Variants in RNF150 observed in about 807,000 individuals in gnomAD.
RNF150 encodes the protein ring finger protein 150.
In RNF150, 24 loss-of-function variants were observed where a neutral mutation model predicts 39.3. That is an observed-to-expected ratio of 0.61 (90% CI 0.44 to 0.86). The LOEUF (loss-of-function observed/expected upper bound fraction) is 0.86. Among genes scored for constraint, RNF150 ranks in the 40% least tolerant of loss-of-function variants. The probability of loss-of-function intolerance (pLI) is 0.00; values close to 1 mark genes in which losing one functional copy is unlikely to be tolerated. For synonymous variants in RNF150, 255 were observed against 227.3 expected (o/e 1.12, Z -1.10); for missense variants, 502 against 587.8 (o/e 0.85, Z 1.51).
intron 1 of RNF150, among the ~76,000 whole-genome samples, chr4:141,148,235 T>C (rs1218779394): frequency 1.3e-5 from 2 of 152,168 alleles, no homozygotes; most frequent in Non-Finnish European, 2.9e-5. Context: ...GATGGCTTCC[T>C]CTTATAGATT....
At chr4:141,006,264 A>G (rs1011241461) in intron 1 of RNF150, among the ~76,000 whole-genome samples, 8 of 149,524 alleles carry the variant, frequency 5.4e-5, no homozygotes, top group African/African-American at 1.7e-4. Flanking sequence ...ATATATACGT[A>G]TATATATACA....
At chr4:141,166,515 C>T (rs143526474) in intron 1 of RNF150, among the ~76,000 whole-genome samples, 139 of 152,290 alleles carry the variant, frequency 9.1e-4, no homozygotes, top group African/African-American at 3.2e-3. Flanking sequence ...GCTAATATCC[C>T]TGATGAACAT....
At chr4:141,089,363 T>G (rs938471156) in intron 1 of RNF150, among the ~76,000 whole-genome samples, 3 of 152,078 alleles carry the variant, frequency 2.0e-5, no homozygotes, top group African/African-American at 7.2e-5. Context: ...CATGGGTACT[T>G]GTTGTTTAGA....
At chr4:140,920,984 C>T (rs1731100755) in intron 5 of RNF150, among the ~76,000 whole-genome samples, 1 of 151,388 alleles carries the variant, frequency 6.6e-6, no homozygotes, top group Non-Finnish European at 1.5e-5. Context: ...GGGAATTGAA[C>T]ACTGAGAATA....
At chr4:140,905,010 C>T (rs374927310) in intron 6 of RNF150, among the ~76,000 whole-genome samples, 11 of 152,154 alleles carry the variant, frequency 7.2e-5, no homozygotes, top group African/African-American at 2.4e-4. Context: ...CTTGCAGAGA[C>T]TAAACACGAA....
intron 5 of RNF150, among the ~76,000 whole-genome samples, chr4:140,923,123 A>G (rs1375458670): frequency 6.6e-6 from 1 of 151,656 alleles, no homozygotes; most frequent in African/African-American, 2.4e-5. Context: ...GACAAATGGG[A>G]TCTAATTAAA....
At chr4:141,015,314 C>T (rs558524384) in intron 1 of RNF150, among the ~76,000 whole-genome samples, 1 of 152,086 alleles carries the variant, frequency 6.6e-6, no homozygotes, top group South Asian at 2.1e-4. Context: ...TTTATGATTC[C>T]ATATGAATTT....
chr4:140,902,464 T>G (rs1730221350), intron 6 of RNF150, among the ~76,000 whole-genome samples: 1 of 152,224 alleles, frequency 6.6e-6, no homozygotes, highest in Non-Finnish European at 1.5e-5. Context: ...TAATTTTCAC[T>G]GTAGTAAAAA....
chr4:141,194,993 A>G (rs1178076717), intron 1 of RNF150, among the ~76,000 whole-genome samples: 1 of 152,194 alleles, frequency 6.6e-6, no homozygotes, highest in Admixed American at 6.5e-5. Context: ...ATACAATAAT[A>G]GTAGCTACTA....
At chr4:141,061,902 T>C (rs1262617120) in intron 1 of RNF150, among the ~76,000 whole-genome samples, 3 of 152,146 alleles carry the variant, frequency 2.0e-5, no homozygotes, top group African/African-American at 4.8e-5. Flanking sequence ...AATTTCAAAA[T>C]TGAAGGAATC....
At chr4:141,081,836 T>C (rs1410509015) in intron 1 of RNF150, among the ~76,000 whole-genome samples, 1 of 152,230 alleles carries the variant, frequency 6.6e-6, no homozygotes, top group Non-Finnish European at 1.5e-5. Context: ...GCACACACCC[T>C]CATTCAATAT....
chr4:140,902,578 A>C (rs1255849704), intron 6 of RNF150, among the ~76,000 whole-genome samples: 1 of 151,772 alleles, frequency 6.6e-6, no homozygotes, highest in African/African-American at 2.4e-5. Flanking sequence ...TTATTTTTTA[A>C]ATTTAATTTT....
chr4:140,985,832 G>A (rs1214487762), intron 1 of RNF150, among the ~76,000 whole-genome samples: 2 of 151,824 alleles, frequency 1.3e-5, no homozygotes, highest in African/African-American at 2.4e-5. Context: ...TAAAAATGTG[G>A]CCACCTAAAA....
chr4:140,872,776 AC>A (rs1164361548), intron 6 of RNF150, among the ~76,000 whole-genome samples: 4 of 152,230 alleles, frequency 2.6e-5, no homozygotes, highest in Non-Finnish European at 4.4e-5. Context: ...TGTTAGAACT[AC>A]ATCAAGAGTT....
chr4:140,913,690 C>T (rs751259264), intron 5 of RNF150, among the ~76,000 whole-genome samples: 3 of 152,118 alleles, frequency 2.0e-5, no homozygotes, highest in Non-Finnish European at 4.4e-5. Flanking sequence ...TCTACTAGTC[C>T]CCAAACATTG....
rs543402148 is a variant in RNF150, at chr4:140,919,291, T to C, written c.987+6686A>G. 3.7e-4 allele frequency among the ~76,000 whole-genome samples: 53 copies of C among 144,432 alleles called. No homozygotes were observed. In the South Asian group the frequency reaches 0.012, roughly 33 times the overall value. 94.8% of individuals were successfully genotyped at this position (144,432 alleles called of 152,430 possible). ...TGATTGTATATCTAGAAAACCCCAC[T>C]GTCTCAGCCCAAAATCTCCTTAAGC... On this transcript the variant is annotated intron_variant, in intron 5 of 6. Transcript: ENST00000515673.
intron 1 of RNF150, among the ~76,000 whole-genome samples, chr4:141,032,130 T>C (rs1735973094): frequency 6.6e-6 from 1 of 151,988 alleles, no homozygotes; most frequent in South Asian, 2.1e-4. Context: ...AATTGTGTCA[T>C]TTGTGACAAC....
intron 1 of RNF150, among the ~76,000 whole-genome samples, chr4:141,001,731 A>G (rs960776062): frequency 2.6e-5 from 4 of 152,096 alleles, no homozygotes; most frequent in African/African-American, 9.6e-5. Context: ...GGAGGAAATA[A>G]ATGGAAAAGG....
Position 140,921,921 on chromosome 4 carries a change from C to T in RNF150, c.987+4056G>A, listed in dbSNP as rs557314554. On this transcript the variant is annotated intron_variant, in intron 5 of 6. Coordinates refer to ENST00000515673, the MANE Select transcript of RNF150 (RefSeq NM_020724.2). ...AGGCCTTTGACAAAATTCAACAACG[C>T]TTCATGCTAAAAACTCTCAATAAAT... Among the ~76,000 whole-genome samples, 104 of 151,756 alleles carry T rather than the reference C, an allele frequency of 6.9e-4. 1 individual carries two copies. Among genetic ancestry groups the T allele is most frequent in the Non-Finnish European group, 1.3e-3 (88 of 67,954 alleles).
Sources: gnomAD v4.1 joint callset for allele counts (sites outside exome capture counted in the v4.1 genomes callset) on GRCh38, gnomAD v4.1.1 for gene constraint, MANE v1.5 for transcripts, NCBI Gene and HGNC (gene_info 2026-07-23, HGNC 2026-07-21) for gene names.